Variants in MET observed in about 807,000 individuals in gnomAD.
The protein encoded by MET is MET proto-oncogene, receptor tyrosine kinase, also known as hepatocyte growth factor receptor.
A neutral mutation model predicts 133.1 loss-of-function variants in MET; 48 were observed. The ratio of observed to expected loss-of-function variants is 0.36; its 90% CI spans 0.29 to 0.46. MET has a LOEUF of 0.46. Ranked by LOEUF, MET falls within the 20% of genes least tolerant of loss-of-function variation. The pLI is 1.00. For missense variants in MET, 1,442 were observed against 1,695.9 expected, an observed-to-expected ratio of 0.85 and a Z score of 2.63; for synonymous variants, 628 against 616.5, an observed-to-expected ratio of 1.02 and a Z score of -0.28.
intron 2 of MET, among the ~76,000 whole-genome samples, chr7:116,721,527 C>A (rs1363167838): frequency 6.6e-6 from 1 of 152,176 alleles, no homozygotes; most frequent in East Asian, 1.9e-4. Context: ...CTTCTGCTAG[C>A]TTTTGAATGT....
chr7:116,719,301 G>C (rs1231272435), intron 2 of MET, among the ~76,000 whole-genome samples: 1 of 150,904 alleles, frequency 6.6e-6, no homozygotes, highest in Non-Finnish European at 1.5e-5. Flanking sequence ...CTTTTGAGAA[G>C]TGTCTGTTCA....
At chr7:116,697,342 T>C (rs1201276838) in intron 1 of MET, among the ~76,000 whole-genome samples, 4 of 152,164 alleles carry the variant, frequency 2.6e-5, no homozygotes, top group African/African-American at 7.2e-5. Context: ...TTATGGGATA[T>C]AAAAATAGCC....
intron 1 of MET, among the ~76,000 whole-genome samples, chr7:116,690,513 G>T (rs749472993): frequency 4.6e-5 from 7 of 152,164 alleles, no homozygotes; most frequent in African/African-American, 7.2e-5. Flanking sequence ...CTGTCCCTTC[G>T]ATTCACTGTT....
At chr7:116,683,039 T>C (rs1796419474) in intron 1 of MET, among the ~76,000 whole-genome samples, 1 of 152,186 alleles carries the variant, frequency 6.6e-6, no homozygotes, top group African/African-American at 2.4e-5. Flanking sequence ...CTTACAACTC[T>C]TCCCGTGTTT....
chr7:116,680,702 G>C (rs1796321434), intron 1 of MET, among the ~76,000 whole-genome samples: 1 of 152,180 alleles, frequency 6.6e-6, no homozygotes, highest in South Asian at 2.1e-4. Flanking sequence ...AGCACTTTAG[G>C]AGGCCAAGGT....
In MET at chr7:116,797,408, G is replaced by T. The variant is rs1795710172; in HGVS notation, c.*1284G>T. ...CAAAACTTTTGGGGAGTTTTATTTT[G>T]CATTAGGGTGTGTTTTATGTTAAGC... On this transcript the variant is annotated 3_prime_UTR_variant, in exon 21 of 21. Transcript: ENST00000397752. 8.8e-6 allele frequency: 2 copies of T among 227,766 alleles called. No homozygotes were observed. Among genetic ancestry groups the T allele is most frequent in the South Asian group, 1.8e-4 (1 of 5,442 alleles). 14.1% of individuals were successfully genotyped at this position (227,766 alleles called of 1,614,324 possible).
Position 116,771,578 on chromosome 7 carries a change from T to G in MET, c.2811T>G (p.Gly937=). The G allele has an allele frequency of 6.2e-7, 1 of 1,613,932 alleles. No individual in the cohort carries two copies. Among genetic ancestry groups the G allele is most frequent in the African/African-American group, 1.3e-5 (1 of 75,052 alleles). The change falls in exon 13 of 21, where the codon GGT becomes GGG. Residue 937 remains glycine (G), a synonymous_variant. Coordinates refer to ENST00000397752, the MANE Select transcript of MET (RefSeq NM_000245.4). ...AGAATTTCACAGGATTGATTGCTGG[T>G]GTTGTCTCAATATCAACAGCACTGT... The part of the protein sequence containing the change: ...PDQNFTGLIA[G]VVSISTALLL...
intron 1 of MET, among the ~76,000 whole-genome samples, chr7:116,680,853 G>A (rs1203330972): frequency 6.6e-6 from 1 of 151,982 alleles, no homozygotes; most frequent in African/African-American, 2.4e-5. Flanking sequence ...GAGGTGGGAG[G>A]ATCACCTGAG....
intron 2 of MET, among the ~76,000 whole-genome samples, chr7:116,700,960 A>G (rs1791555272): frequency 6.6e-6 from 1 of 152,234 alleles, no homozygotes; most frequent in South Asian, 2.1e-4. Flanking sequence ...TCCTTCTGGA[A>G]AAGACTTGTG....
intron 1 of MET, among the ~76,000 whole-genome samples, chr7:116,691,911 G>A (rs1338062630): frequency 6.6e-6 from 1 of 152,208 alleles, no homozygotes; most frequent in Non-Finnish European, 1.5e-5. Context: ...TGTGTTGAAA[G>A]ATGTAGACCA....
chr7:116,697,958 C>G (rs1473409460), intron 1 of MET, among the ~76,000 whole-genome samples: 2 of 152,216 alleles, frequency 1.3e-5, no homozygotes, highest in East Asian at 3.8e-4. Flanking sequence ...GCACAGTGCC[C>G]TGCACATACC....
At chr7:116,794,758 C>T (rs1278181669) in intron 19 of MET, among the ~76,000 whole-genome samples, 1 of 152,218 alleles carries the variant, frequency 6.6e-6, no homozygotes, top group East Asian at 1.9e-4. Flanking sequence ...CCCCCTGGGT[C>T]CTGTCCACAG....
chr7:116,729,518 A>G (rs1315737119), intron 2 of MET, among the ~76,000 whole-genome samples: 1 of 152,246 alleles, frequency 6.6e-6, no homozygotes, highest in Non-Finnish European at 1.5e-5. Flanking sequence ...AAATGATTTG[A>G]AATATACTTT....
chr7:116,764,572 G>A (rs777763851), intron 11 of MET, among the ~76,000 whole-genome samples: 4 of 151,710 alleles, frequency 2.6e-5, no homozygotes, highest in South Asian at 2.1e-4. Flanking sequence ...AGAGATAAAC[G>A]GTTCTTTATC....
chr7:116,737,819 G>A (rs751829190), intron 3 of MET, among the ~76,000 whole-genome samples: 2 of 152,140 alleles, frequency 1.3e-5, no homozygotes, highest in Non-Finnish European at 2.9e-5. Flanking sequence ...TTCTGGGAAA[G>A]GACTATTTGG....
At chr7:116,745,764 T>C (rs567394566) in intron 5 of MET, among the ~76,000 whole-genome samples, 3 of 152,356 alleles carry the variant, frequency 2.0e-5, no homozygotes, top group East Asian at 1.9e-4. Context: ...CCTTACACCT[T>C]ATACAAAAAT....
chr7:116,678,817 C>T (rs1459500207), intron 1 of MET, among the ~76,000 whole-genome samples: 1 of 152,134 alleles, frequency 6.6e-6, no homozygotes, highest in Non-Finnish European at 1.5e-5. Context: ...GTCTTTGATT[C>T]ACTAAATCTT....
At chr7:116,728,091 C>T (rs1363740793) in intron 2 of MET, among the ~76,000 whole-genome samples, 1 of 152,148 alleles carries the variant, frequency 6.6e-6, no homozygotes, top group African/African-American at 2.4e-5. Flanking sequence ...GTTAGTTTTT[C>T]CTAGAGGCTA....
rs1795683764 is a variant in MET at position 116,796,504 on chromosome 7, G to A, written c.*380G>A. ...AGAAGAGATAGTAATGCTCAGGACA[G>A]GAGCGGCAGCCCCAGAACAGGCCAC... On this transcript the variant is annotated 3_prime_UTR_variant, in exon 21 of 21. Coordinates refer to ENST00000397752, the MANE Select transcript of MET (RefSeq NM_000245.4). 7 of 389,256 alleles carry A rather than the reference G, an allele frequency of 1.8e-5. No individual in the cohort carries two copies. The South Asian group carries it at 2.2e-4, about 12-fold the overall frequency. 24.1% of individuals were successfully genotyped at this position (389,256 alleles called of 1,614,324 possible).
Sources: gnomAD v4.1 joint callset for allele counts (sites outside exome capture counted in the v4.1 genomes callset) on GRCh38, gnomAD v4.1.1 for gene constraint, MANE v1.5 for transcripts, NCBI Gene and HGNC (gene_info 2026-07-23, HGNC 2026-07-21) for gene names.